The following RAB27B variants were observed in gnomAD, a reference collection of about 807,000 sequenced individuals.
RAB27B encodes RAB27B, member RAS oncogene family.
In RAB27B, 15 loss-of-function variants were observed where a neutral mutation model predicts 24.6. The observed-to-expected ratio is 0.61, with a 90% CI of 0.41 to 0.94. RAB27B has a LOEUF of 0.94. Ranked by LOEUF, RAB27B falls within the 40% of genes least tolerant of loss-of-function variation. The pLI, the probability that RAB27B is intolerant of heterozygous loss-of-function variation, is 0.00. For synonymous variants in RAB27B, 105 were observed against 92.5 expected (o/e 1.14, Z -0.78); for missense variants, 261 against 266.8 (o/e 0.98, Z 0.15).
At chr18:54,873,800 TA>T (rs1912581908) in intron 1 of RAB27B, among the ~76,000 whole-genome samples, 1 of 150,780 alleles carries the variant, frequency 6.6e-6, no homozygotes, top group African/African-American at 2.4e-5. Context: ...AAATAAGAAA[TA>T]AAATTCATTT....
intron 1 of RAB27B, among the ~76,000 whole-genome samples, chr18:54,875,960 T>G (rs9950602): frequency 0.011 from 1,732 of 152,314 alleles, 36 homozygotes; most frequent in African/African-American, 0.038. Context: ...AGATATGTCC[T>G]CTATTAGTCC....
intron 2 of RAB27B, among the ~76,000 whole-genome samples, chr18:54,735,190 A>G (rs1206725432): frequency 6.6e-6 from 1 of 152,238 alleles, no homozygotes; most frequent in African/African-American, 2.4e-5. Flanking sequence ...CAAAGACTAG[A>G]AACTTTCATT....
chr18:54,844,373 CTCTT>C (rs936264262), intron 1 of RAB27B, among the ~76,000 whole-genome samples: 4 of 146,028 alleles, frequency 2.7e-5, no homozygotes, highest in African/African-American at 1.0e-4. Context: ...TTACTTTTAT[CTCTT>C]CTTTCTTTCT....
chr18:54,753,811 T>C (rs964474092), intron 2 of RAB27B, among the ~76,000 whole-genome samples: 1 of 152,140 alleles, frequency 6.6e-6, no homozygotes, highest in Non-Finnish European at 1.5e-5. Context: ...TCACACCCAG[T>C]AGTTTTGCCA....
chr18:54,866,948 C>T (rs904477515), intron 1 of RAB27B, among the ~76,000 whole-genome samples: 1 of 152,104 alleles, frequency 6.6e-6, no homozygotes, highest in African/African-American at 2.4e-5. Context: ...TGAAACAGTC[C>T]TTCATCCCCA....
At chr18:54,877,528 C>T (rs1912750461) in intron 1 of RAB27B, 39 bp from the exon 2 acceptor site, 3 of 1,313,544 alleles carry the variant, frequency 2.3e-6, no homozygotes, top group Non-Finnish European at 3.0e-6. Flanking sequence ...GGAAAATCAA[C>T]TTTAATCAAA....
At chr18:54,794,948 C>T (rs953161545) in intron 2 of RAB27B, among the ~76,000 whole-genome samples, 1 of 152,112 alleles carries the variant, frequency 6.6e-6, no homozygotes, top group Admixed American at 6.6e-5. Context: ...TTTTTGACTA[C>T]TCCTATTTAA....
intron 2 of RAB27B, among the ~76,000 whole-genome samples, chr18:54,770,062 C>A (rs1407998189): frequency 6.6e-6 from 1 of 151,940 alleles, no homozygotes; most frequent in Non-Finnish European, 1.5e-5. Flanking sequence ...AGAGACTGGT[C>A]TCAAACTCCC....
chr18:54,796,955 G>A (rs543528850), intron 2 of RAB27B, among the ~76,000 whole-genome samples: 1 of 152,292 alleles, frequency 6.6e-6, no homozygotes, highest in Admixed American at 6.5e-5. Flanking sequence ...ATAATTTTCT[G>A]CAACATCTGA....
At chr18:54,819,834 T>C (rs1020231436) in intron 2 of RAB27B, among the ~76,000 whole-genome samples, 4 of 145,900 alleles carry the variant, frequency 2.7e-5, no homozygotes, top group Admixed American at 7.0e-5. Context: ...TGTATTCTAA[T>C]TGTTCAATTC....
chr18:54,879,255 C>A, intron 2 of RAB27B, 114 bp from the exon 3 acceptor site: 1 of 772,302 alleles, frequency 1.3e-6, no homozygotes, highest in Non-Finnish European at 2.3e-6. Context: ...ATTTATTCTG[C>A]ACTATGAACT....
At chr18:54,774,701 G>C (rs1416369953) in intron 2 of RAB27B, among the ~76,000 whole-genome samples, 2 of 152,116 alleles carry the variant, frequency 1.3e-5, no homozygotes, top group Admixed American at 1.3e-4. Flanking sequence ...TTTCACTTTT[G>C]TTTCTATTCT....
intron 2 of RAB27B, among the ~76,000 whole-genome samples, chr18:54,745,848 A>C (rs952323875): frequency 4.4e-5 from 6 of 134,908 alleles, no homozygotes; most frequent in Non-Finnish European, 8.3e-5. Flanking sequence ...ATATATTATT[A>C]TTTATAATAT....
At chr18:54,724,604 G>A (rs1909470705) in intron 2 of RAB27B, among the ~76,000 whole-genome samples, 1 of 151,310 alleles carries the variant, frequency 6.6e-6, no homozygotes, top group Non-Finnish European at 1.5e-5. Flanking sequence ...TGCTCCTGAG[G>A]TGGGAGAATT....
intron 2 of RAB27B, among the ~76,000 whole-genome samples, chr18:54,725,435 A>G (rs1303894466): frequency 6.6e-6 from 1 of 151,674 alleles, no homozygotes; most frequent in East Asian, 1.9e-4. Context: ...ATTCCATGTA[A>G]AAACTTAATA....
intron 2 of RAB27B, among the ~76,000 whole-genome samples, chr18:54,823,070 C>T (rs1212339331): frequency 6.6e-6 from 1 of 152,212 alleles, no homozygotes; most frequent in Non-Finnish European, 1.5e-5. Context: ...ATTGTGAAAA[C>T]ATAGCCAGTT....
intron 2 of RAB27B, among the ~76,000 whole-genome samples, chr18:54,795,701 T>G (rs1212824490): frequency 1.3e-5 from 2 of 152,116 alleles, no homozygotes; most frequent in African/African-American, 4.8e-5. Flanking sequence ...AGTTTCAAGC[T>G]TTAAAACCAG....
intron 2 of RAB27B, among the ~76,000 whole-genome samples, chr18:54,755,029 CATTTTCAGAACACAGCAT>C (rs1907957711): frequency 6.6e-6 from 1 of 152,166 alleles, no homozygotes; most frequent in Non-Finnish European, 1.5e-5. Flanking sequence ...GAAAATAGCA[CATTTTCAGAACACAGCAT>C]ATTGCTCTGT....
At chr18:54,851,743 A>T (rs1449670683) in intron 1 of RAB27B, among the ~76,000 whole-genome samples, 1 of 152,094 alleles carries the variant, frequency 6.6e-6, no homozygotes, top group Admixed American at 6.6e-5. Flanking sequence ...GGCCCAAGCT[A>T]CACACTCCAA....
Sources: gnomAD v4.1 joint callset for allele counts (sites outside exome capture counted in the v4.1 genomes callset) on GRCh38, gnomAD v4.1.1 for gene constraint, MANE v1.5 for transcripts, NCBI Gene and HGNC (gene_info 2026-07-23, HGNC 2026-07-21) for gene names.